The following KCNJ3 variants were observed in gnomAD, a reference collection of about 807,000 sequenced individuals.
KCNJ3 encodes potassium inwardly rectifying channel subfamily J member 3.
In KCNJ3, 4 loss-of-function variants were observed where a neutral mutation model predicts 39.2. The observed-to-expected ratio is 0.10, with a 90% CI of 0.05 to 0.23. The LOEUF is 0.23. KCNJ3 is among the 10% of genes least tolerant of loss of function. The probability of loss-of-function intolerance (pLI) is 1.00; values close to 1 mark genes in which losing one functional copy is unlikely to be tolerated. For synonymous variants in KCNJ3, 230 were observed against 237.4 expected, an observed-to-expected ratio of 0.97 and a Z score of 0.29; for missense variants, 276 against 634.9, an observed-to-expected ratio of 0.43 and a Z score of 6.08.
chr2:154,806,364 C>A (rs1332107012), intron 2 of KCNJ3, among the ~76,000 whole-genome samples: 1 of 152,138 alleles, frequency 6.6e-6, no homozygotes, highest in Non-Finnish European at 1.5e-5. Flanking sequence ...AGTGGGTTTG[C>A]TTCACAGCTG....
At chr2:154,719,095 G>T (rs1685226640) in intron 2 of KCNJ3, among the ~76,000 whole-genome samples, 1 of 152,070 alleles carries the variant, frequency 6.6e-6, no homozygotes, top group African/African-American at 2.4e-5. Context: ...AATCTCATGG[G>T]ATTCTTATTA....
At chr2:154,814,867 T>C (rs1386854797) in intron 2 of KCNJ3, among the ~76,000 whole-genome samples, 1 of 152,232 alleles carries the variant, frequency 6.6e-6, no homozygotes, top group Non-Finnish European at 1.5e-5. Flanking sequence ...GTAATCTTTG[T>C]TAAGTTCTAA....
At chr2:154,766,638 C>T (rs755748742) in intron 2 of KCNJ3, among the ~76,000 whole-genome samples, 1 of 152,058 alleles carries the variant, frequency 6.6e-6, no homozygotes, top group South Asian at 2.1e-4. Flanking sequence ...CTCACTGAAA[C>T]CTCCACCACC....
intron 2 of KCNJ3, among the ~76,000 whole-genome samples, chr2:154,809,826 T>A (rs1686977004): frequency 6.6e-6 from 1 of 152,080 alleles, no homozygotes. Context: ...GTGTGAATAT[T>A]ATAAAGAAAT....
At chr2:154,736,852 C>A (rs1685556467) in intron 2 of KCNJ3, among the ~76,000 whole-genome samples, 1 of 137,100 alleles carries the variant, frequency 7.3e-6, no homozygotes, top group African/African-American at 2.6e-5. Context: ...TAAAACTGCC[C>A]CGGCTTACTG....
chr2:154,849,612 G>A (rs992870528), intron 2 of KCNJ3, among the ~76,000 whole-genome samples: 14 of 152,084 alleles, frequency 9.2e-5, no homozygotes, highest in African/African-American at 3.4e-4. Context: ...CATTTCCCTT[G>A]GCCTGTGGTT....
At chr2:154,732,560 A>G (rs754304281) in intron 2 of KCNJ3, among the ~76,000 whole-genome samples, 8 of 152,102 alleles carry the variant, frequency 5.3e-5, no homozygotes, top group Admixed American at 1.3e-4. Context: ...TTGTGTGGTA[A>G]AAAATTATCA....
chr2:154,833,561 A>G (rs1687398317), intron 2 of KCNJ3, among the ~76,000 whole-genome samples: 1 of 152,178 alleles, frequency 6.6e-6, no homozygotes, highest in Non-Finnish European at 1.5e-5. Context: ...AGCCAAGTTC[A>G]TAGTTTACAT....
chr2:154,739,571 C>A (rs192661997), intron 2 of KCNJ3, among the ~76,000 whole-genome samples: 3 of 152,124 alleles, frequency 2.0e-5, no homozygotes, highest in Non-Finnish European at 4.4e-5. Context: ...ATTTCCTACT[C>A]CCCAGAGACT....
intron 2 of KCNJ3, among the ~76,000 whole-genome samples, chr2:154,763,433 T>G (rs80128358): frequency 6.6e-6 from 1 of 151,196 alleles, no homozygotes; most frequent in African/African-American, 2.4e-5. Context: ...TTTTTTTTTT[T>G]CCTGCATTAC....
At chr2:154,837,379 G>T (rs903229121) in intron 2 of KCNJ3, among the ~76,000 whole-genome samples, 1 of 145,336 alleles carries the variant, frequency 6.9e-6, no homozygotes, top group East Asian at 2.3e-4. Flanking sequence ...CAATTTTTGA[G>T]TTCATGAGTT....
chr2:154,768,911 A>G (rs573800968), intron 2 of KCNJ3, among the ~76,000 whole-genome samples: 2 of 152,088 alleles, frequency 1.3e-5, no homozygotes, highest in East Asian at 3.9e-4. Context: ...ACGTCCCTTT[A>G]AGTTGGATTC....
intron 2 of KCNJ3, among the ~76,000 whole-genome samples, chr2:154,801,980 G>A (rs1187479851): frequency 6.6e-6 from 1 of 152,104 alleles, no homozygotes; most frequent in African/African-American, 2.4e-5. Context: ...AACAACAAAA[G>A]TAATTAGCCT....
At chr2:154,742,669 T>C (rs1198861268) in intron 2 of KCNJ3, among the ~76,000 whole-genome samples, 1 of 151,848 alleles carries the variant, frequency 6.6e-6, no homozygotes, top group African/African-American at 2.4e-5. Context: ...TTGTTTATTT[T>C]CTTTGGAAAA....
intron 2 of KCNJ3, among the ~76,000 whole-genome samples, chr2:154,716,275 A>AG (rs1685177979): frequency 1.6e-5 from 1 of 64,280 alleles, no homozygotes; most frequent in Admixed American, 2.1e-4. Context: ...ACGGCCGGCT[A>AG]ATTTTTTTTT....
At chr2:154,838,995 G>A (rs1161158747) in intron 2 of KCNJ3, among the ~76,000 whole-genome samples, 1 of 152,028 alleles carries the variant, frequency 6.6e-6, no homozygotes, top group African/African-American at 2.4e-5. Flanking sequence ...TGTGCACAAC[G>A]TGCAGGTTTG....
intron 2 of KCNJ3, among the ~76,000 whole-genome samples, chr2:154,720,262 G>A (rs892582202): frequency 6.6e-6 from 1 of 151,936 alleles, no homozygotes; most frequent in African/African-American, 2.4e-5. Context: ...ATTATTAACT[G>A]TGGTGATTAC....
intron 2 of KCNJ3, among the ~76,000 whole-genome samples, chr2:154,839,370 T>G (rs60306529): frequency 0.046 from 6,970 of 152,314 alleles, 265 homozygotes; most frequent in Admixed American, 0.11. Flanking sequence ...GTCTTTGCTA[T>G]TGTGAATAGT....
chr2:154,704,632 G>A (rs180784081), intron 1 of KCNJ3, among the ~76,000 whole-genome samples: 253 of 152,168 alleles, frequency 1.7e-3, no homozygotes, highest in Admixed American at 4.8e-3. Flanking sequence ...CCAAATAAAT[G>A]TACAATGTAA....
Sources: gnomAD v4.1 joint callset for allele counts (sites outside exome capture counted in the v4.1 genomes callset) on GRCh38, gnomAD v4.1.1 for gene constraint, MANE v1.5 for transcripts, NCBI Gene and HGNC (gene_info 2026-07-23, HGNC 2026-07-21) for gene names.